The following CROT variants were observed in gnomAD, a reference collection of about 807,000 sequenced individuals.
The protein encoded by CROT is peroxisomal carnitine O-octanoyltransferase.
Under a neutral mutation model 89.2 loss-of-function variants are expected in CROT, and 84 were observed. The observed-to-expected ratio is 0.94, with a 90% CI of 0.79 to 1.13. The LOEUF (loss-of-function observed/expected upper bound fraction) is 1.13, where lower values mean the gene tolerates loss of function less well. Ranked by LOEUF, CROT falls within the 50% of genes most tolerant of loss-of-function variation. The probability of loss-of-function intolerance (pLI) is 0.00; values close to 1 mark genes in which losing one functional copy is unlikely to be tolerated. For synonymous variants in CROT, 212 were observed against 239.5 expected (o/e 0.89, Z 1.06); for missense variants, 711 against 727.8 (o/e 0.98, Z 0.27).
intron 14 of CROT, among the ~76,000 whole-genome samples, chr7:87,391,959 A>G (rs1367070870): frequency 6.6e-6 from 1 of 152,166 alleles, no homozygotes; most frequent in Non-Finnish European, 1.5e-5. Context: ...TACTTTAGGT[A>G]TTTCAGGACT....
chr7:87,398,900 A>C lies in CROT; in HGVS notation c.*256A>C. The C allele has an allele frequency of 2.6e-6, 1 of 383,738 alleles. No individual in the cohort carries two copies. The highest frequency in any genetic ancestry group is 3.7e-5 in the South Asian group (1 of 26,890). 23.8% of individuals were successfully genotyped at this position (383,738 alleles called of 1,614,324 possible). On this transcript the variant is annotated 3_prime_UTR_variant, in exon 18 of 18. Transcript: ENST00000331536. ...CATAGTGAATATAGAACTATGCAGT[A>C]TTTAAGCCTCAACAATCCAAATCTA...
intron 17 of CROT, among the ~76,000 whole-genome samples, chr7:87,395,696 G>A (rs1807501733): frequency 6.6e-6 from 1 of 152,170 alleles, no homozygotes; most frequent in Non-Finnish European, 1.5e-5. Context: ...AAGTCAGGAA[G>A]TACCTAGCCT....
chr7:87,361,722 T>C lies in CROT; in HGVS notation c.423-6T>C. On this transcript the variant is annotated splice_polypyrimidine_tract_variant and splice_region_variant and intron_variant, in intron 5 of 17. Coordinates refer to ENST00000331536, the MANE Select transcript of CROT (RefSeq NM_021151.4). ...GACTTTTTGATCAAAATCCTTTTTT[T>C]AATAGAGAAAAAGTGCCTGTTCATA... The C allele has an allele frequency of 1.3e-6, 2 of 1,568,108 alleles. No homozygotes were observed. The highest frequency in any genetic ancestry group is 1.7e-6 in the Non-Finnish European group (2 of 1,162,478).
rs181127282 is a variant in CROT at position 87,372,329 on chromosome 7, G to T, written c.656+2845G>T. ...TTGTCCAATCTTAATTTTGATTTAG[G>T]CAAATTTATCTTTTTAATCATTTGC... On this transcript the variant is annotated intron_variant, in intron 7 of 17. Transcript: ENST00000331536. 4.0e-4 allele frequency among the ~76,000 whole-genome samples: 61 copies of T among 152,164 alleles called. 2 individuals carry two copies. The East Asian group carries it at 0.012, about 29-fold the overall frequency.
intron 3 of CROT, among the ~76,000 whole-genome samples, chr7:87,350,547 G>A (rs1453317122): frequency 2.0e-5 from 3 of 151,992 alleles, no homozygotes; most frequent in African/African-American, 4.8e-5. Context: ...TTTTTCAGTT[G>A]GTGAGGAAGG....
In CROT at chr7:87,398,028, A is replaced by G. The variant is rs1264981850; in HGVS notation, c.1719-496A>G. 3.3e-5 allele frequency among the ~76,000 whole-genome samples: 5 copies of G among 151,688 alleles called. No individual in the cohort carries two copies. The South Asian group carries it at 1.0e-3, about 32-fold the overall frequency. ...GGAGTATCTCGAGAAAGATGGTGGA[A>G]GGCATGACTTGATCCCAAGAGTTTC... On this transcript the variant is annotated intron_variant, in intron 17 of 17. Coordinates refer to ENST00000331536, the MANE Select transcript of CROT (RefSeq NM_021151.4).
rs1218768356 is a variant in CROT at position 87,361,763 on chromosome 7, C to T, written c.458C>T (p.Pro153Leu). ...CCTGTTCATAAAGTTGGAAATACTC[C>T]TCTAGATATGAATCAATTCCGAATG... is the stretch of plus-strand genomic sequence containing the variant. ...KVPVHKVGNTPLDMNQFRMLF... is the reference protein window; with the variant it reads ...KVPVHKVGNTLLDMNQFRMLF... The change falls in exon 6 of 18, where the codon CCT becomes CTT. Residue 153 changes from proline (P) to leucine (L), a missense_variant. Coordinates refer to ENST00000331536, the MANE Select transcript of CROT (RefSeq NM_021151.4). 6.2e-7 allele frequency: 1 copy of T among 1,605,734 alleles called. No individual in the cohort carries two copies. The highest frequency in any genetic ancestry group is 1.3e-5 in the African/African-American group (1 of 74,484).
intron 4 of CROT, chr7:87,360,050 C>A (rs1218327643): frequency 1.6e-5 from 16 of 980,106 alleles, no homozygotes; most frequent in Non-Finnish European, 1.9e-5. Flanking sequence ...TTTCACACTT[C>A]CGGATTCCTT....
chr7:87,353,035 T>G lies in CROT; in HGVS notation c.115+3852T>G, dbSNP rs563720032. Among the ~76,000 whole-genome samples, 3 of 152,346 alleles carry G rather than the reference T, an allele frequency of 2.0e-5. No homozygotes were observed. The East Asian group carries it at 5.8e-4, about 29-fold the overall frequency. On this transcript the variant is annotated intron_variant, in intron 3 of 17. Transcript: ENST00000331536. ...CAGTGCCTTCTTTAGATGAGCTATA[T>G]GTACTCAGGAGTCAAAGCCCTGTAA...
rs1156886010 is a variant in CROT at position 87,398,592 on chromosome 7, C to G, written c.1787C>G (p.Thr596Ser). 1 of 1,613,584 alleles carries G rather than the reference C, an allele frequency of 6.2e-7. No individual in the cohort carries two copies. The highest frequency in any genetic ancestry group is 1.3e-5 in the African/African-American group (1 of 74,892). Reference sequence around the variant, plus strand: ...GATGCGGAAAAGCTAGTTCAGCTGACTTTTTGTGCTTTTCATGATATGATA... The same window carrying G: ...GATGCGGAAAAGCTAGTTCAGCTGAGTTTTTGTGCTTTTCATGATATGATA... ...ETDAEKLVQL[T>S]FCAFHDMIQL... Residue 596 changes from threonine to serine, a missense_variant, in exon 18 of 18, where the codon ACT (threonine) becomes AGT (serine). Transcript: ENST00000331536.
At chr7:87,381,019 G>A (rs928525314) in intron 10 of CROT, among the ~76,000 whole-genome samples, 3 of 152,144 alleles carry the variant, frequency 2.0e-5, no homozygotes, top group African/African-American at 7.2e-5. Context: ...AATAAATCCT[G>A]TTTATAGGCT....
chr7:87,351,607 G>T (rs932210807), intron 3 of CROT, among the ~76,000 whole-genome samples: 4 of 151,968 alleles, frequency 2.6e-5, no homozygotes, highest in African/African-American at 7.2e-5. Context: ...TTCTTTTTTT[G>T]AAGAGAAGCC....
chr7:87,386,664 C>T (rs113266821), intron 13 of CROT, among the ~76,000 whole-genome samples: 12 of 152,206 alleles, frequency 7.9e-5, no homozygotes, highest in East Asian at 5.8e-4. Context: ...GTGTCTGCAA[C>T]GAAAGGATAC....
chr7:87,355,374 A>G (rs1236244972), intron 3 of CROT, among the ~76,000 whole-genome samples: 1 of 152,186 alleles, frequency 6.6e-6, no homozygotes, highest in Non-Finnish European at 1.5e-5. Flanking sequence ...TGCTGGTGTT[A>G]CAGACATGAG....
intron 13 of CROT, among the ~76,000 whole-genome samples, chr7:87,383,344 T>C (rs114213216): frequency 1.8e-3 from 268 of 152,310 alleles, no homozygotes; most frequent in African/African-American, 6.3e-3. Context: ...CTCCCATATA[T>C]AGGTGAGAAC....
intron 9 of CROT, among the ~76,000 whole-genome samples, chr7:87,376,570 T>G (rs1223396442): frequency 6.6e-6 from 1 of 151,890 alleles, no homozygotes; most frequent in Non-Finnish European, 1.5e-5. Flanking sequence ...TATAGTGAAT[T>G]AATCGGTATT....
chr7:87,365,814 C>A (rs1806425619), intron 6 of CROT, among the ~76,000 whole-genome samples: 3 of 151,944 alleles, frequency 2.0e-5, no homozygotes, highest in Admixed American at 2.0e-4. Flanking sequence ...CCATGTTGCC[C>A]AGGCTGGTCT....
At chr7:87,384,074 G>T (rs1034478750) in intron 13 of CROT, among the ~76,000 whole-genome samples, 3 of 151,848 alleles carry the variant, frequency 2.0e-5, no homozygotes, top group Non-Finnish European at 2.9e-5. Flanking sequence ...CCACATCTTT[G>T]CTAGCATCTG....
intron 7 of CROT, among the ~76,000 whole-genome samples, chr7:87,374,935 A>C (rs1017803501): frequency 1.3e-5 from 2 of 151,984 alleles, no homozygotes; most frequent in African/African-American, 4.8e-5. Flanking sequence ...AATTGAGCTA[A>C]ATTAAAGCTC....
Sources: gnomAD v4.1 joint callset for allele counts (sites outside exome capture counted in the v4.1 genomes callset) on GRCh38, gnomAD v4.1.1 for gene constraint, MANE v1.5 for transcripts, NCBI Gene and HGNC (gene_info 2026-07-23, HGNC 2026-07-21) for gene names.